Variants in PODNL1 observed in about 807,000 individuals in gnomAD.
PODNL1 encodes podocan-like protein 1.
Under a neutral mutation model 45.1 loss-of-function variants are expected in PODNL1, and 50 were observed. That is an observed-to-expected ratio of 1.11 (90% CI 0.88 to 1.40). PODNL1 has a LOEUF of 1.40. Ranked by LOEUF, PODNL1 falls within the 40% of genes most tolerant of loss-of-function variation. PODNL1 has a pLI of 0.00. For synonymous variants in PODNL1, 406 were observed against 372.5 expected, an observed-to-expected ratio of 1.09 and a Z score of -1.04; for missense variants, 788 against 793.3, an observed-to-expected ratio of 0.99 and a Z score of 0.08.
intron 1 of PODNL1, among the ~76,000 whole-genome samples, chr19:13,952,309 C>A (rs1027103945): frequency 6.6e-6 from 1 of 152,218 alleles, no homozygotes; most frequent in East Asian, 1.9e-4. Flanking sequence ...GTCCTTAAGG[C>A]GGGGCGGGAA....
At chr19:13,937,750 C>T in intron 2 of PODNL1, 35 bp downstream of exon 2, 1 of 1,543,184 alleles carries the variant, frequency 6.5e-7, no homozygotes, top group Non-Finnish European at 8.8e-7. Context: ...TGGGTCTCAG[C>T]CCTGCATGCC....
At chr19:13,942,319 C>T (rs1358225918), upstream of PODNL1, among the ~76,000 whole-genome samples, 1 of 152,120 alleles carries the variant, frequency 6.6e-6, no homozygotes, top group Non-Finnish European at 1.5e-5. Flanking sequence ...GTATGTGGTG[C>T]TAAGACATTC....
intron 6 of PODNL1, 42 bp downstream of exon 6, chr19:13,934,212 T>C: frequency 1.3e-6 from 2 of 1,485,964 alleles, no homozygotes; most frequent in Non-Finnish European, 1.8e-6. Context: ...TGGAAAGAGG[T>C]GAAGAGAGTC....
Position 13,933,035 on chromosome 19 carries a change from G to A in PODNL1, c.1188C>T (p.Ala396=). 1.3e-6 allele frequency: 2 copies of A among 1,537,834 alleles called. No individual in the cohort carries two copies. Among genetic ancestry groups the A allele is most frequent in the Non-Finnish European group, 1.7e-6 (2 of 1,147,394 alleles). The stretch of plus-strand genomic sequence containing the variant: ...TGCGCAGGGCACGCAACCGGCGGAA[G>A]GCCCGGTGGTGCACACGGGCGCTGG... ...RLASARVHHR[A]FRRLRALRSL... Residue 396 remains alanine, a synonymous_variant, in exon 8 of 10, where the codon GCC becomes GCT. Coordinates refer to ENST00000588872, the MANE Select transcript of PODNL1 (RefSeq NM_001370095.3). This position sits in a 1 kb window ranked among gnomAD's most constrained non-coding sequence, Gnocchi z 5.2.
chr19:13,937,694 A>C, intron 2 of PODNL1, 91 bp downstream of exon 2: 1 of 1,240,034 alleles, frequency 8.1e-7, no homozygotes, highest in South Asian at 1.4e-5. Flanking sequence ...CCTATACCCC[A>C]CCACGCTCCT....
chr19:13,950,767 G>A (rs1290889602), intron 1 of PODNL1, among the ~76,000 whole-genome samples: 2 of 152,112 alleles, frequency 1.3e-5, no homozygotes, highest in Admixed American at 6.6e-5. Context: ...TGTGATGGCC[G>A]GGCGCAGTGG....
rs755335132 is a variant in PODNL1 at position 13,935,980 on chromosome 19, CTTG to C, written c.381_383del (p.Asn127del). On this transcript the variant is annotated inframe_deletion and splice_region_variant, in exon 4 of 10. Transcript: ENST00000588872. ...CCTGCGGGTGGGGCTGGGGGCTCACCTTGTTGTGAGCCACGCAGAGGTGCTGCA... is the reference window on the plus strand; with the variant it reads ...CCTGCGGGTGGGGCTGGGGGCTCACCTTGTGAGCCACGCAGAGGTGCTGCA... The C allele has an allele frequency of 8.4e-6, 13 of 1,552,088 alleles. No homozygotes were observed. Among genetic ancestry groups the C allele is most frequent in the Non-Finnish European group, 1.1e-5 (13 of 1,148,380 alleles).
intron 1 of PODNL1, among the ~76,000 whole-genome samples, chr19:13,950,510 T>C (rs1972961977): frequency 2.0e-5 from 3 of 152,170 alleles, no homozygotes; most frequent in Admixed American, 2.0e-4. Flanking sequence ...CTGGGATAAA[T>C]GTCTGATGTT....
chr19:13,940,800 C>T (rs1190836731), upstream of PODNL1, among the ~76,000 whole-genome samples: 1 of 152,128 alleles, frequency 6.6e-6, no homozygotes, highest in South Asian at 2.1e-4. Context: ...AGGAAAATGG[C>T]TTGAACTTGG....
chr19:13,953,085 G>A, intron 1 of PODNL1: 1 of 1,550,650 alleles, frequency 6.4e-7, no homozygotes, highest in Non-Finnish European at 8.7e-7. Flanking sequence ...CCCTGCCCAA[G>A]CCCCGACCAC....
At position 13,933,024 on chromosome 19, in the gene PODNL1, A is replaced by G. The variant is rs567768907; in HGVS notation, c.1199T>C (p.Leu400Ser). ...CAGGTCGAGGCTGCGCAGGGCACGC[A>G]ACCGGCGGAAGGCCCGGTGGTGCAC... ...ARVHHRAFRRLRALRSLDLAG... is the reference protein window; with the variant it reads ...ARVHHRAFRRSRALRSLDLAG... Residue 400 changes from leucine to serine, a missense_variant, in exon 8 of 10, where the codon TTG becomes TCG. Transcript: ENST00000588872. This position sits in a 1 kb window ranked among gnomAD's most constrained non-coding sequence, Gnocchi z 5.2. 1.3e-6 allele frequency: 2 copies of G among 1,538,734 alleles called. No individual in the cohort carries two copies. The highest frequency in any genetic ancestry group is 2.4e-5 in the South Asian group (2 of 84,264).
chr19:13,931,498 G>A lies in PODNL1; in HGVS notation c.*239C>T. The A allele has an allele frequency of 2.5e-6, 1 of 406,000 alleles. No homozygotes were observed. The highest frequency in any genetic ancestry group is 4.2e-6 in the Non-Finnish European group (1 of 235,462). 25.1% of individuals were successfully genotyped at this position (406,000 alleles called of 1,614,324 possible). A position where few individuals can be genotyped will look rare whatever the true frequency, so the allele number is the denominator to read the frequency against. ...GCTGGAAGGGTTTGGCTTTATTGTT[G>A]CTGCCTCCATCTGTGTTGGGAGTTT... On this transcript the variant is annotated 3_prime_UTR_variant, in exon 10 of 10. Transcript: ENST00000588872.
At chr19:13,945,783 T>C (rs73515548) in intron 1 of PODNL1, among the ~76,000 whole-genome samples, 11,412 of 150,932 alleles carry the variant, frequency 0.076, 1,250 homozygotes, top group African/African-American at 0.24. Flanking sequence ...CTGCACCTGG[T>C]GTTGTAGAGG....
At chr19:13,949,026 T>C (rs1972918716) in intron 1 of PODNL1, among the ~76,000 whole-genome samples, 1 of 151,576 alleles carries the variant, frequency 6.6e-6, no homozygotes, top group Admixed American at 6.6e-5. Context: ...AGAGTCACGC[T>C]CTGTGTCACT....
intron 1 of PODNL1, among the ~76,000 whole-genome samples, chr19:13,949,974 C>T (rs1346472539): frequency 6.6e-6 from 1 of 151,906 alleles, no homozygotes; most frequent in Non-Finnish European, 1.5e-5. Context: ...GATTCTCCTG[C>T]CTCAGCCTCC....
At chr19:13,952,677 G>T in intron 1 of PODNL1, 2 of 1,289,800 alleles carry the variant, frequency 1.6e-6, no homozygotes, top group Non-Finnish European at 2.0e-6. Flanking sequence ...GGAGCGCGCC[G>T]GAGGGTGGGG....
chr19:13,944,256 G>A (rs748944195), intron 1 of PODNL1, among the ~76,000 whole-genome samples: 6 of 150,044 alleles, frequency 4.0e-5, no homozygotes, highest in Admixed American at 6.6e-5. Flanking sequence ...TCCGCCTCCC[G>A]GGTTCACACC....
upstream of PODNL1, among the ~76,000 whole-genome samples, chr19:13,942,877 T>A (rs1972698274): frequency 6.6e-6 from 1 of 151,800 alleles, no homozygotes; most frequent in Non-Finnish European, 1.5e-5. Context: ...GGTGCACACC[T>A]GTAATCCCAG....
chr19:13,953,195 C>A (rs1050124163), exon 1 of PODNL1: 4 of 1,466,230 alleles, frequency 2.7e-6, no homozygotes, highest in Non-Finnish European at 3.7e-6. Context: ...TGAGAGTTAC[C>A]GAAGCAGGCT....
Sources: allele counts gnomAD v4.1 joint callset (sites outside exome capture counted in the v4.1 genomes callset), GRCh38; gene constraint gnomAD v4.1.1; non-coding constraint Gnocchi (gnomAD v3.1); transcripts MANE v1.5; gene names NCBI Gene and HGNC (gene_info 2026-07-23, HGNC 2026-07-21).